The following OR51B5 variants were observed in gnomAD, a reference collection of about 807,000 sequenced individuals.
OR51B5 encodes the protein olfactory receptor 51B5.
For missense variants in OR51B5, 456 were observed against 374.6 expected (o/e 1.22, Z -1.79); for synonymous variants, 186 against 144.8 (o/e 1.28, Z -2.04).
intron 1 of OR51B5, among the ~76,000 whole-genome samples, chr11:5,376,511 A>T (rs1849530563): frequency 6.6e-6 from 1 of 152,202 alleles, no homozygotes; most frequent in African/African-American, 2.4e-5. Flanking sequence ...TCAAAAAATT[A>T]ATGAATCTGG....
At chr11:5,477,804 T>G (rs550404895) in intron 1 of OR51B5, among the ~76,000 whole-genome samples, 1 of 152,290 alleles carries the variant, frequency 6.6e-6, no homozygotes, top group African/African-American at 2.4e-5. Flanking sequence ...CTTTTCGGAC[T>G]GGCTTAAAAA....
intron 1 of OR51B5, among the ~76,000 whole-genome samples, chr11:5,461,326 C>T (rs540117809): frequency 6.6e-6 from 1 of 152,246 alleles, no homozygotes; most frequent in East Asian, 1.9e-4. Context: ...GATCTATCTG[C>T]AAAAGTGTTC....
In OR51B5 at chr11:5,352,131, C is replaced by G. The variant is rs1162429841; in HGVS notation, n.85-5221G>C. On this transcript the variant is annotated intron_variant and non_coding_transcript_variant, in intron 1 of 4. Transcript: ENST00000415970. ...TTTTATTTGCAATGGTCTTGTTGGACTTTCTCATCATCTTTTTCTCCTACA... is the reference window on the plus strand; with the variant it reads ...TTTTATTTGCAATGGTCTTGTTGGAGTTTCTCATCATCTTTTTCTCCTACA... 3 of 1,614,056 alleles carry G rather than the reference C, an allele frequency of 1.9e-6. No individual in the cohort carries two copies. The highest frequency in any genetic ancestry group is 1.7e-6 in the Non-Finnish European group (2 of 1,180,028).
downstream of OR51B5, chr11:5,340,567 G>A (rs752745502): frequency 6.6e-6 from 1 of 151,642 alleles, no homozygotes; most frequent in Non-Finnish European, 1.5e-5. Flanking sequence ...CAAAATATCA[G>A]TTTTCATAGG....
At chr11:5,424,757 G>A (rs1360878959) in intron 1 of OR51B5, among the ~76,000 whole-genome samples, 6 of 145,780 alleles carry the variant, frequency 4.1e-5, no homozygotes, top group Admixed American at 6.9e-5. Context: ...CGAGACGGGT[G>A]GATCACGACG....
intron 1 of OR51B5, among the ~76,000 whole-genome samples, chr11:5,475,183 T>C (rs1167223098): frequency 6.6e-6 from 1 of 152,204 alleles, no homozygotes; most frequent in Admixed American, 6.5e-5. Context: ...TTCAGCCCTC[T>C]TCTAATTCAT....
At chr11:5,380,517 T>C (rs1440029373) in intron 1 of OR51B5, among the ~76,000 whole-genome samples, 7 of 151,590 alleles carry the variant, frequency 4.6e-5, no homozygotes, top group Admixed American at 3.3e-4. Flanking sequence ...CTAAAAAGAG[T>C]CTGTTGTGAG....
chr11:5,441,215 C>T (rs750350978), intron 1 of OR51B5: 22 of 1,613,836 alleles, frequency 1.4e-5, no homozygotes, highest in Non-Finnish European at 1.9e-5. Flanking sequence ...ACATCTGGAC[C>T]AGGCAAGCAT....
At chr11:5,377,631 A>G (rs942164562) in intron 1 of OR51B5, among the ~76,000 whole-genome samples, 3 of 152,190 alleles carry the variant, frequency 2.0e-5, no homozygotes, top group Admixed American at 6.5e-5. Context: ...TACAAAACCA[A>G]TGTGCAAAAA....
upstream of OR51B5, among the ~76,000 whole-genome samples, chr11:5,347,483 C>CATCCCTGTGATGTGTG (rs138892225): frequency 0.062 from 9,367 of 152,222 alleles, 931 homozygotes; most frequent in African/African-American, 0.21. Context: ...ATGCAGCAGG[C>CATCCCTGTGATGTGTG]ATACTCATCA....
At chr11:5,341,491 G>A (rs578100419), downstream of OR51B5, 2 of 152,244 alleles carry the variant, frequency 1.3e-5, no homozygotes, top group Admixed American at 1.3e-4. Context: ...TTGTCTCACT[G>A]AAGTATTATT....
At chr11:5,365,940 G>C (rs1330125126) in intron 1 of OR51B5, among the ~76,000 whole-genome samples, 3 of 152,112 alleles carry the variant, frequency 2.0e-5, no homozygotes, top group Non-Finnish European at 4.4e-5. Context: ...AAGGGGGCAG[G>C]CTCAGCATGA....
chr11:5,463,580 G>C (rs907954008), intron 1 of OR51B5, among the ~76,000 whole-genome samples: 2 of 152,142 alleles, frequency 1.3e-5, no homozygotes, highest in South Asian at 4.1e-4. Flanking sequence ...AGATATTTTG[G>C]GGAGTGGATA....
chr11:5,356,999 C>A (rs571682298), intron 1 of OR51B5, among the ~76,000 whole-genome samples: 112 of 152,076 alleles, frequency 7.4e-4, no homozygotes, highest in African/African-American at 2.6e-3. Flanking sequence ...AAAGGCACAA[C>A]CGGTACCAGC....
At chr11:5,390,264 C>A in intron 1 of OR51B5, 1 of 1,613,986 alleles carries the variant, frequency 6.2e-7, no homozygotes, top group Non-Finnish European at 8.5e-7. Flanking sequence ...CTTCTTATGG[C>A]CAATGTCTAC....
rs1264742385 is a variant in OR51B5, at chr11:5,415,197, G to A, written n.85-68287C>T. Among the ~76,000 whole-genome samples the A allele has an allele frequency of 3.3e-5, 5 of 151,662 alleles. No homozygotes were observed. The East Asian group carries it at 5.8e-4, about 18-fold the overall frequency. On this transcript the variant is annotated intron_variant and non_coding_transcript_variant, in intron 1 of 4. Transcript: ENST00000415970. Reference sequence around the variant, plus strand: ...ACTACTGGGTACAAAACGAAATGAAGGCAGAAATAAAGATTTTCTTTGAAA... The same window carrying A: ...ACTACTGGGTACAAAACGAAATGAAAGCAGAAATAAAGATTTTCTTTGAAA...
intron 1 of OR51B5, chr11:5,489,801 G>C: frequency 1.5e-6 from 1 of 672,360 alleles, no homozygotes; most frequent in Non-Finnish European, 2.6e-6. Context: ...ATAGCCAGAT[G>C]AATCAGAGCT....
At chr11:5,429,765 AG>A (rs1850508118) in intron 1 of OR51B5, among the ~76,000 whole-genome samples, 1 of 152,224 alleles carries the variant, frequency 6.6e-6, no homozygotes, top group African/African-American at 2.4e-5. Context: ...AAATAGAAAA[AG>A]GGTATAGCCA....
Position 5,489,707 on chromosome 11 carries a change from C to T in OR51B5, n.84+15862G>A, listed in dbSNP as rs1216612694. The T allele has an allele frequency of 5.5e-6, 7 of 1,277,286 alleles. 1 individual carries two copies. The highest frequency in any genetic ancestry group is 4.4e-5 in the African/African-American group (3 of 67,836). The allele number at this position is 1,277,286 out of a possible 1,614,324, so 79.1% of individuals were successfully genotyped here. On this transcript the variant is annotated intron_variant and non_coding_transcript_variant, in intron 1 of 4. Coordinates refer to the OR51B5 transcript ENST00000415970. ...AGATTTAAAAAAAAGTGTAGGATGG[C>T]TGTCTAGATACATTTACATGGACAC...
Sources: allele counts gnomAD v4.1 joint callset (sites outside exome capture counted in the v4.1 genomes callset), GRCh38; gene constraint gnomAD v4.1.1; transcripts MANE v1.5; gene names NCBI Gene and HGNC (gene_info 2026-07-23, HGNC 2026-07-21).